Variants in FBXL17 observed in about 807,000 individuals in gnomAD.
FBXL17 encodes F-box and leucine rich repeat protein 17.
FBXL17 carries 22 observed loss-of-function variants against 66.2 expected under a neutral mutation model. The observed-to-expected ratio is 0.33, with a 90% CI of 0.24 to 0.47. The LOEUF is 0.47. Ranked by LOEUF, FBXL17 falls within the 20% of genes least tolerant of loss-of-function variation. The pLI is 1.00. For missense variants in FBXL17, 878 were observed against 948.2 expected, an observed-to-expected ratio of 0.93 and a Z score of 0.97; for synonymous variants, 474 against 400.5, an observed-to-expected ratio of 1.18 and a Z score of -2.19.
chr5:108,314,320 T>C (rs1376368553), intron 4 of FBXL17, among the ~76,000 whole-genome samples: 5 of 151,664 alleles, frequency 3.3e-5, no homozygotes, highest in Non-Finnish European at 5.9e-5. Flanking sequence ...TTGGCCAATA[T>C]TGAAATGGCA....
chr5:108,180,657 T>C (rs1373116039), intron 6 of FBXL17, among the ~76,000 whole-genome samples: 2 of 152,328 alleles, frequency 1.3e-5, no homozygotes, highest in East Asian at 1.9e-4. Context: ...TTTTAGAGTG[T>C]GCACTGATGC....
chr5:108,105,721 T>C (rs868445309), intron 6 of FBXL17, among the ~76,000 whole-genome samples: 1 of 151,988 alleles, frequency 6.6e-6, no homozygotes, highest in African/African-American at 2.4e-5. Context: ...AAACTTTGCT[T>C]TTGCTTTCAA....
At chr5:108,084,278 G>T (rs113305894) in intron 6 of FBXL17, among the ~76,000 whole-genome samples, 9 of 152,154 alleles carry the variant, frequency 5.9e-5, no homozygotes, top group African/African-American at 1.9e-4. Context: ...GCTTGTGTAC[G>T]GTCTCTGCAT....
intron 7 of FBXL17, among the ~76,000 whole-genome samples, chr5:107,918,978 G>A (rs1156440297): frequency 2.6e-5 from 4 of 152,134 alleles, no homozygotes; most frequent in African/African-American, 9.7e-5. Flanking sequence ...TGTGGGAGAG[G>A]CTGTGTGATG....
chr5:108,051,676 C>G (rs1040740959), intron 6 of FBXL17, among the ~76,000 whole-genome samples: 1 of 152,010 alleles, frequency 6.6e-6, no homozygotes, highest in African/African-American at 2.4e-5. Flanking sequence ...CTTTGAAAAT[C>G]AGTATAAGAC....
intron 6 of FBXL17, among the ~76,000 whole-genome samples, chr5:108,135,744 T>C (rs949569714): frequency 3.3e-5 from 5 of 152,022 alleles, no homozygotes; most frequent in African/African-American, 1.2e-4. Context: ...GCTTATGGAG[T>C]TCAGAAGCAG....
intron 7 of FBXL17, among the ~76,000 whole-genome samples, chr5:107,916,368 A>G (rs1580709468): frequency 6.6e-6 from 1 of 152,200 alleles, no homozygotes; most frequent in Admixed American, 6.5e-5. Flanking sequence ...TACACATTCT[A>G]CTTGAGCATG....
chr5:108,210,452 C>T (rs1754319515), intron 5 of FBXL17, among the ~76,000 whole-genome samples: 1 of 152,134 alleles, frequency 6.6e-6, no homozygotes, highest in Non-Finnish European at 1.5e-5. Context: ...GTATTTAGTG[C>T]TATAAACTTC....
At chr5:108,279,136 A>C (rs1757601728) in intron 4 of FBXL17, among the ~76,000 whole-genome samples, 1 of 152,190 alleles carries the variant, frequency 6.6e-6, no homozygotes, top group Non-Finnish European at 1.5e-5. Context: ...TGTTACTGCC[A>C]TCAACAATGC....
intron 3 of FBXL17, among the ~76,000 whole-genome samples, chr5:108,360,085 G>GT (rs1336407625): frequency 6.6e-6 from 1 of 151,894 alleles, no homozygotes; most frequent in African/African-American, 2.4e-5. Context: ...CTTAAAACCT[G>GT]GTTTTTTTGG....
At chr5:108,068,724 T>A (rs1748215418) in intron 6 of FBXL17, among the ~76,000 whole-genome samples, 1 of 152,210 alleles carries the variant, frequency 6.6e-6, no homozygotes, top group African/African-American at 2.4e-5. Context: ...CCAAAAGTGC[T>A]GGGATTACAG....
chr5:107,953,166 G>C (rs1207918845), intron 7 of FBXL17, among the ~76,000 whole-genome samples: 3 of 152,010 alleles, frequency 2.0e-5, no homozygotes, highest in Non-Finnish European at 4.4e-5. Context: ...ACTTTGGGAC[G>C]CCAAGGTGGG....
chr5:107,992,161 T>C (rs543244969), intron 7 of FBXL17, among the ~76,000 whole-genome samples: 86 of 152,004 alleles, frequency 5.7e-4, no homozygotes, highest in African/African-American at 2.0e-3. Context: ...AGGTAGGTGA[T>C]CATTTAATGT....
At chr5:108,177,108 C>T (rs996350873) in intron 6 of FBXL17, among the ~76,000 whole-genome samples, 4 of 152,132 alleles carry the variant, frequency 2.6e-5, no homozygotes, top group Non-Finnish European at 5.9e-5. Context: ...TACAAGGAAG[C>T]ATTTACAGAT....
intron 7 of FBXL17, among the ~76,000 whole-genome samples, chr5:107,934,801 A>T (rs1750845621): frequency 6.6e-6 from 1 of 152,170 alleles, no homozygotes; most frequent in Non-Finnish European, 1.5e-5. Flanking sequence ...CCTGTAAAGT[A>T]TGGTAATGCA....
At chr5:108,029,770 T>G (rs1754962576) in intron 6 of FBXL17, among the ~76,000 whole-genome samples, 1 of 152,104 alleles carries the variant, frequency 6.6e-6, no homozygotes, top group African/African-American at 2.4e-5. Context: ...ATAGCTGATT[T>G]TGGTTATTTT....
intron 5 of FBXL17, among the ~76,000 whole-genome samples, chr5:108,220,889 G>A (rs775890845): frequency 6.6e-6 from 1 of 152,154 alleles, no homozygotes; most frequent in African/African-American, 2.4e-5. Flanking sequence ...GAACACACTT[G>A]TGTTAGAGTA....
intron 3 of FBXL17, among the ~76,000 whole-genome samples, chr5:108,358,477 T>C (rs1748139042): frequency 6.6e-6 from 1 of 152,152 alleles, no homozygotes; most frequent in Admixed American, 6.5e-5. Flanking sequence ...CTTAATGTGG[T>C]ATATTACATT....
chr5:108,082,147 T>A lies in FBXL17; in HGVS notation c.1746-61146A>T, dbSNP rs555335073. 3.9e-5 allele frequency among the ~76,000 whole-genome samples: 6 copies of A among 152,158 alleles called. No individual in the cohort carries two copies. The South Asian group carries it at 1.2e-3, about 32-fold the overall frequency. On this transcript the variant is annotated intron_variant, in intron 6 of 8. Coordinates refer to ENST00000542267, the MANE Select transcript of FBXL17 (RefSeq NM_001163315.3). ...TTACTCAGTGTCTCTGAGCCAGTTA[T>A]ATATTTACATACGAGGATACATGAA...
Sources: allele counts gnomAD v4.1 joint callset (sites outside exome capture counted in the v4.1 genomes callset), GRCh38; gene constraint gnomAD v4.1.1; transcripts MANE v1.5; gene names NCBI Gene and HGNC (gene_info 2026-07-23, HGNC 2026-07-21).